The following ARID1A variants were observed in gnomAD, a reference collection of about 807,000 sequenced individuals.
ARID1A encodes the protein AT-rich interactive domain-containing protein 1A.
A neutral mutation model predicts 212.6 loss-of-function variants in ARID1A; 20 were observed. The ratio of observed to expected loss-of-function variants is 0.09; its 90% CI spans 0.07 to 0.14. ARID1A has a LOEUF of 0.14. Among genes scored for constraint, ARID1A ranks in the 10% least tolerant of loss-of-function variants. The pLI, the probability that ARID1A is intolerant of heterozygous loss-of-function variation, is 1.00. For missense variants in ARID1A, 2,587 were observed against 3,059.0 expected (o/e 0.85, Z 3.64); for synonymous variants, 1,376 against 1,222.1 (o/e 1.13, Z -2.63).
chr1:26,734,641 A>G (rs1370906180), intron 4 of ARID1A, among the ~76,000 whole-genome samples: 1 of 152,136 alleles, frequency 6.6e-6, no homozygotes, highest in Non-Finnish European at 1.5e-5. Context: ...ATTGCTTTTT[A>G]TCCCTTTGCT....
rs764124825 is a variant in ARID1A, at chr1:26,774,745, T to C, written c.4518T>C (p.Tyr1506=). 1 of 1,614,196 alleles carries C rather than the reference T, an allele frequency of 6.2e-7. No individual in the cohort carries two copies. Among genetic ancestry groups the C allele is most frequent in the African/African-American group, 1.3e-5 (1 of 75,038 alleles). Reference sequence around the variant, plus strand: ...GGCAGGGGCGTAATGACATGACCTATAATTATGCCAACAGGCAGAGCACGG... The same window carrying C: ...GGCAGGGGCGTAATGACATGACCTACAATTATGCCAACAGGCAGAGCACGG... ...TMWQGRNDMT[Y]NYANRQSTGS... Residue 1506 remains tyrosine, a synonymous_variant, in exon 18 of 20, where the codon TAT becomes TAC. Coordinates refer to ENST00000324856, the MANE Select transcript of ARID1A (RefSeq NM_006015.6). This position sits in a 1 kb window ranked among gnomAD's most constrained non-coding sequence, Gnocchi z 5.6.
In ARID1A at chr1:26,697,158, C is replaced by T. The variant is rs1021067105; in HGVS notation, c.755C>T (p.Pro252Leu). The stretch of plus-strand genomic sequence containing the variant: ...GCGGCGGCTGCCGGCTCCAAGCCGC[C>T]TCCCTCCTCCAGCGCCTCCGCCTCC... ...GAAAAAGSKP[P>L]PSSSASASSS... is the part of the protein sequence containing the mutation. The change falls in exon 1 of 20, where the codon CCT (proline) becomes CTT (leucine). Residue 252 changes from proline (P) to leucine (L), a missense_variant. Transcript: ENST00000324856. 1.4e-6 allele frequency: 2 copies of T among 1,441,206 alleles called. No individual in the cohort carries two copies. The highest frequency in any genetic ancestry group is 3.0e-5 in the African/African-American group (2 of 66,804). The allele number at this position is 1,441,206 out of a possible 1,614,324, so 89.3% of individuals were successfully genotyped here. A position where few individuals can be genotyped will look rare whatever the true frequency, so the allele number is the denominator to read the frequency against.
chr1:26,722,434 C>T (rs1292729216), intron 1 of ARID1A, among the ~76,000 whole-genome samples: 3 of 152,088 alleles, frequency 2.0e-5, no homozygotes, highest in Non-Finnish European at 4.4e-5. Flanking sequence ...TTAGTAGAGA[C>T]GGGGTTTCAC....
chr1:26,776,399 A>G (rs542532452), intron 19 of ARID1A, among the ~76,000 whole-genome samples: 12 of 150,908 alleles, frequency 8.0e-5, no homozygotes, highest in African/African-American at 2.9e-4. Context: ...TCAGCCTCCC[A>G]AGTAGCTGGG....
Position 26,774,567 on chromosome 1 carries a change from C to T in ARID1A, c.4340C>T (p.Pro1447Leu), listed in dbSNP as rs2124118689. 1.2e-6 allele frequency: 2 copies of T among 1,614,212 alleles called. No homozygotes were observed. Among genetic ancestry groups the T allele is most frequent in the Non-Finnish European group, 1.7e-6 (2 of 1,180,026 alleles). ...ATATAATERRPAGGPQNQFPF... is the reference protein window; with the variant it reads ...ATATAATERRLAGGPQNQFPF... ...GCCACAGCTGCTACTGAGCGCCGAC[C>T]AGCAGGCGGCCCCCAGAACCAATTT... is the stretch of plus-strand genomic sequence containing the variant. Residue 1447 changes from proline (P) to leucine (L), a missense_variant, in exon 18 of 20, where the codon CCA (proline) becomes CTA (leucine). Physicochemically the swap from Pro to Leu is moderately conservative, Grantham distance 98. Coordinates refer to ENST00000324856, the MANE Select transcript of ARID1A (RefSeq NM_006015.6). This position sits in a 1 kb window ranked among gnomAD's most constrained non-coding sequence, Gnocchi z 5.6.
intron 1 of ARID1A, among the ~76,000 whole-genome samples, chr1:26,725,587 AC>A (rs1204827917): frequency 6.6e-6 from 1 of 152,222 alleles, no homozygotes; most frequent in Non-Finnish European, 1.5e-5. Context: ...CAAAAATCTG[AC>A]GACCAGAAAA....
intron 1 of ARID1A, among the ~76,000 whole-genome samples, chr1:26,719,532 A>G (rs899655358): frequency 1.3e-5 from 2 of 152,084 alleles, no homozygotes; most frequent in Non-Finnish European, 2.9e-5. Context: ...ACTGTCTCAT[A>G]TTTTTGTTAA....
intron 1 of ARID1A, among the ~76,000 whole-genome samples, chr1:26,728,617 C>T (rs1007068473): frequency 3.9e-5 from 6 of 152,134 alleles, no homozygotes; most frequent in African/African-American, 9.7e-5. Context: ...CTTCATGTGA[C>T]GGTTAATGAT....
In ARID1A at chr1:26,771,422, T is replaced by G; in HGVS notation, c.3406+96T>G. 2 of 1,312,100 alleles carry G rather than the reference T, an allele frequency of 1.5e-6. No homozygotes were observed. Among genetic ancestry groups the G allele is most frequent in the Non-Finnish European group, 2.1e-6 (2 of 940,198 alleles). 81.3% of individuals were successfully genotyped at this position (1,312,100 alleles called of 1,614,324 possible). On this transcript the variant is annotated intron_variant, in intron 12 of 19. Coordinates refer to ENST00000324856, the MANE Select transcript of ARID1A (RefSeq NM_006015.6). This position sits in a 1 kb window ranked among gnomAD's most constrained non-coding sequence, Gnocchi z 5.4. ...AATAAGAGGCTTATCCAACAGGATA[T>G]GCCAAGGATCTGTGCTCTGCCTTGC...
At chr1:26,702,520 A>T (rs541523025) in intron 1 of ARID1A, among the ~76,000 whole-genome samples, 1 of 152,346 alleles carries the variant, frequency 6.6e-6, no homozygotes, top group East Asian at 1.9e-4. Flanking sequence ...AGCTTTGTGT[A>T]AATACTTGCT....
intron 8 of ARID1A, among the ~76,000 whole-genome samples, chr1:26,763,944 A>G (rs1232800916): frequency 6.6e-6 from 1 of 151,970 alleles, no homozygotes; most frequent in African/African-American, 2.4e-5. Flanking sequence ...ACACACCACC[A>G]CACCCAGCTA....
chr1:26,762,414 G>A, intron 7 of ARID1A, 95 bp downstream of exon 7: 1 of 1,405,500 alleles, frequency 7.1e-7, no homozygotes. Flanking sequence ...CCTTGTGAGA[G>A]AAGGGCTGTC....
intron 1 of ARID1A, among the ~76,000 whole-genome samples, chr1:26,705,931 A>G (rs1052778554): frequency 6.6e-6 from 1 of 152,220 alleles, no homozygotes; most frequent in Non-Finnish European, 1.5e-5. Context: ...ATGCATTCCA[A>G]CATGCTGCAG....
At chr1:26,764,826 T>C (rs2081023858) in intron 8 of ARID1A, 1 of 152,214 alleles carries the variant, frequency 6.6e-6, no homozygotes, top group Non-Finnish European at 1.5e-5. Context: ...ACAACTTGAC[T>C]TTGGAGGTGG....
intron 1 of ARID1A, among the ~76,000 whole-genome samples, chr1:26,702,444 A>G (rs991982922): frequency 6.6e-6 from 1 of 152,224 alleles, no homozygotes; most frequent in Non-Finnish European, 1.5e-5. Flanking sequence ...TAGAGGGAAC[A>G]GTGTTTGATA....
intron 1 of ARID1A, 78 bp downstream of exon 1, chr1:26,697,618 G>A (rs946351718): frequency 1.1e-4 from 141 of 1,229,902 alleles, no homozygotes; most frequent in Non-Finnish European, 1.4e-4. Flanking sequence ...GCGGGCCACA[G>A]CCTTGGGCTC....
At chr1:26,769,535 A>G (rs780555535) in intron 11 of ARID1A, 1 of 152,246 alleles carries the variant, frequency 6.6e-6, no homozygotes, top group Non-Finnish European at 1.5e-5. Context: ...CACCAAGGCC[A>G]TCTCCAACCA....
At position 26,774,840 on chromosome 1, in the gene ARID1A, G is replaced by A; in HGVS notation, c.4613G>A (p.Arg1538Lys). The A allele has an allele frequency of 6.2e-7, 1 of 1,610,374 alleles. No individual in the cohort carries two copies. Among genetic ancestry groups the A allele is most frequent in the Non-Finnish European group, 8.5e-7 (1 of 1,177,340 alleles). ...GATGAAATGCTGCACACAGATCAGAGGGCCAACCACGAAGGCTCGTGGCCT... is the reference window on the plus strand; with the variant it reads ...GATGAAATGCTGCACACAGATCAGAAGGCCAACCACGAAGGCTCGTGGCCT... ...RTDEMLHTDQRANHEGSWPSH... is the reference protein window; with the variant it reads ...RTDEMLHTDQKANHEGSWPSH... Residue 1538 changes from arginine (R) to lysine (K), a missense_variant, in exon 18 of 20, where the codon AGG (arginine) becomes AAG (lysine). By Grantham distance (26) the Arg-to-Lys change is conservative. Around this residue, in one of 11 missense-constraint regions of ARID1A, gnomAD observed 890 missense variants for 1,098.2 expected, o/e 0.81. Coordinates refer to ENST00000324856, the MANE Select transcript of ARID1A (RefSeq NM_006015.6). This position sits in a 1 kb window ranked among gnomAD's most constrained non-coding sequence, Gnocchi z 5.6.
chr1:26,757,292 C>T (rs1342604269), intron 4 of ARID1A, among the ~76,000 whole-genome samples: 11 of 148,592 alleles, frequency 7.4e-5, no homozygotes, highest in Non-Finnish European at 1.5e-5. Context: ...ATGGTGAAAC[C>T]CCGTCTCTAC....
Sources: allele counts gnomAD v4.1 joint callset (sites outside exome capture counted in the v4.1 genomes callset), GRCh38; gene constraint gnomAD v4.1.1; regional missense constraint gnomAD v4.1.1; non-coding constraint Gnocchi (gnomAD v3.1); transcripts MANE v1.5; gene names NCBI Gene and HGNC (gene_info 2026-07-23, HGNC 2026-07-21).